The following SEL1L variants were observed in gnomAD, a reference collection of about 807,000 sequenced individuals.
SEL1L encodes SEL1L adaptor subunit of SYVN1 ubiquitin ligase.
A neutral mutation model predicts 109.8 loss-of-function variants in SEL1L; 52 were observed. The ratio of observed to expected loss-of-function variants is 0.47; its 90% CI spans 0.38 to 0.60. SEL1L has a LOEUF of 0.60. SEL1L is among the 20% of genes least tolerant of loss of function. SEL1L has a pLI of 0.00. For missense variants in SEL1L, 749 were observed against 962.2 expected (o/e 0.78, Z 2.93); for synonymous variants, 373 against 339.6 (o/e 1.10, Z -1.08).
intron 3 of SEL1L, among the ~76,000 whole-genome samples, chr14:81,514,440 C>T (rs1244503027): frequency 6.6e-6 from 1 of 152,192 alleles, no homozygotes. Context: ...ATGCTTAGGA[C>T]TCTAACAGCT....
At chr14:81,499,922 T>C (rs1883933125) in intron 6 of SEL1L, among the ~76,000 whole-genome samples, 1 of 149,822 alleles carries the variant, frequency 6.7e-6, no homozygotes, top group African/African-American at 2.5e-5. Flanking sequence ...TTTTTTTTTT[T>C]TGAGACAGGG....
At chr14:81,533,134 G>A (rs1379011522) in intron 1 of SEL1L, among the ~76,000 whole-genome samples, 1 of 152,148 alleles carries the variant, frequency 6.6e-6, no homozygotes, top group Admixed American at 6.5e-5. Context: ...TCTCAGGAAG[G>A]TTTCAAAAAA....
intron 19 of SEL1L, among the ~76,000 whole-genome samples, chr14:81,480,708 A>T (rs1247181050): frequency 6.6e-6 from 1 of 152,058 alleles, no homozygotes; most frequent in Non-Finnish European, 1.5e-5. Context: ...ACAGAGTGAG[A>T]CCCTGTTTCC....
chr14:81,513,462 GCGCCACCTTAAGAACTGTA>G (rs570785629), intron 3 of SEL1L, among the ~76,000 whole-genome samples: 13 of 152,152 alleles, frequency 8.5e-5, no homozygotes, highest in Admixed American at 2.6e-4. Flanking sequence ...AACTCCAGAC[GCGCCACCTTAAGAACTGTA>G]ACACTCACCG....
intron 3 of SEL1L, among the ~76,000 whole-genome samples, chr14:81,514,574 T>G (rs780901662): frequency 2.5e-4 from 38 of 152,234 alleles, no homozygotes; most frequent in Non-Finnish European, 5.4e-4. Flanking sequence ...AAATCCAATC[T>G]TCCTTGGTCC....
At chr14:81,491,110 T>C (rs1270332312) in intron 12 of SEL1L, among the ~76,000 whole-genome samples, 1 of 152,172 alleles carries the variant, frequency 6.6e-6, no homozygotes, top group Non-Finnish European at 1.5e-5. Flanking sequence ...GGAAGTCAAA[T>C]GGTTAGTAAG....
intron 6 of SEL1L, among the ~76,000 whole-genome samples, chr14:81,501,399 G>A (rs989026959): frequency 3.3e-5 from 5 of 152,086 alleles, no homozygotes; most frequent in South Asian, 2.1e-4. Context: ...AAGTAAAACC[G>A]TTCTTCAGAG....
intron 3 of SEL1L, among the ~76,000 whole-genome samples, chr14:81,518,287 T>C (rs1727428282): frequency 6.7e-6 from 1 of 149,886 alleles, no homozygotes; most frequent in South Asian, 2.1e-4. Context: ...ACAGTTGTGC[T>C]GCAGCTGATT....
intron 11 of SEL1L, among the ~76,000 whole-genome samples, chr14:81,493,534 T>A (rs569482218): frequency 2.0e-5 from 3 of 151,820 alleles, no homozygotes; most frequent in Non-Finnish European, 2.9e-5. Context: ...ATAAATAAAA[T>A]AAATAAAAAA....
At chr14:81,502,326 A>G (rs1884049303) in intron 6 of SEL1L, among the ~76,000 whole-genome samples, 1 of 152,190 alleles carries the variant, frequency 6.6e-6, no homozygotes, top group Non-Finnish European at 1.5e-5. Flanking sequence ...CTAGTTTCCT[A>G]TAATGGACAT....
intron 3 of SEL1L, among the ~76,000 whole-genome samples, chr14:81,510,769 A>G (rs1048799078): frequency 1.3e-5 from 2 of 152,204 alleles, no homozygotes; most frequent in East Asian, 1.9e-4. Context: ...ACTAAGTAGC[A>G]TATGAATCAA....
chr14:81,486,650 A>T (rs1903529092), intron 16 of SEL1L, among the ~76,000 whole-genome samples, 196 bp from the exon 17 acceptor site: 2 of 126,728 alleles, frequency 1.6e-5, no homozygotes, highest in Admixed American at 7.1e-5. Context: ...CAGGTTTATA[A>T]AAAAAAAAAA....
intron 1 of SEL1L, among the ~76,000 whole-genome samples, chr14:81,528,502 T>C (rs1199308380): frequency 1.3e-5 from 2 of 152,212 alleles, no homozygotes; most frequent in African/African-American, 4.8e-5. Context: ...TTCTGACTAT[T>C]ACTTTTCTGG....
chr14:81,502,664 C>T (rs1884062365), intron 6 of SEL1L, 57 bp downstream of exon 6: 1 of 1,545,930 alleles, frequency 6.5e-7, no homozygotes, highest in Non-Finnish European at 8.8e-7. Flanking sequence ...GAGTAAACTG[C>T]TTTTAAAACT....
chr14:81,506,014 TA>T (rs1489847905), intron 4 of SEL1L, 59 bp downstream of exon 4: 5 of 1,524,406 alleles, frequency 3.3e-6, no homozygotes, highest in Middle Eastern at 1.7e-4. Flanking sequence ...AAAAAGGCCT[TA>T]AAAACATTGC....
chr14:81,524,687 C>G (rs1182976443), intron 3 of SEL1L, among the ~76,000 whole-genome samples: 1 of 152,186 alleles, frequency 6.6e-6, no homozygotes, highest in Non-Finnish European at 1.5e-5. Context: ...GCCTGGCCAA[C>G]ATGGTGAAAC....
At chr14:81,499,102 C>T (rs896027405) in intron 8 of SEL1L, 120 of 958,092 alleles carry the variant, frequency 1.3e-4, no homozygotes, top group Non-Finnish European at 1.4e-4. Context: ...CCACCATTTA[C>T]AAAATTTTGA....
chr14:81,498,918 G>A (rs368104963), intron 8 of SEL1L: 258 of 187,892 alleles, frequency 1.4e-3, no homozygotes, highest in African/African-American at 6.0e-3. Context: ...AGCAGGCACA[G>A]TGTCACTAGC....
At chr14:81,515,496 C>T (rs751942671) in intron 3 of SEL1L, among the ~76,000 whole-genome samples, 5 of 152,224 alleles carry the variant, frequency 3.3e-5, no homozygotes, top group Non-Finnish European at 7.3e-5. Context: ...CCCTACCAGT[C>T]AGCAAGCCGT....
Sources: gnomAD v4.1 joint callset for allele counts (sites outside exome capture counted in the v4.1 genomes callset) on GRCh38, gnomAD v4.1.1 for gene constraint, MANE v1.5 for transcripts, NCBI Gene and HGNC (gene_info 2026-07-23, HGNC 2026-07-21) for gene names.